CD83: variants seen among roughly 807,000 people sequenced by gnomAD.
CD83 encodes CD83 antigen.
Under a neutral mutation model 24.6 loss-of-function variants are expected in CD83, and 22 were observed. That is an observed-to-expected ratio of 0.90 (90% CI 0.64 to 1.28). The LOEUF is 1.28. CD83 is among the 50% of genes most tolerant of loss of function. The pLI is 0.00. For synonymous variants in CD83, 101 were observed against 103.5 expected (o/e 0.98, Z 0.14); for missense variants, 253 against 252.8 (o/e 1.00, Z -0.01).
chr6:14,134,894 C>T (rs891087299), intron 4 of CD83, among the ~76,000 whole-genome samples: 3 of 152,122 alleles, frequency 2.0e-5, no homozygotes, highest in Non-Finnish European at 4.4e-5. Flanking sequence ...AGTAGGGGGT[C>T]GAAATGGCCA....
chr6:14,125,977 C>A (rs1032286934), intron 2 of CD83, among the ~76,000 whole-genome samples: 1 of 152,164 alleles, frequency 6.6e-6, no homozygotes, highest in Non-Finnish European at 1.5e-5. Flanking sequence ...AGAATAATTT[C>A]TATTACCAGC....
intron 2 of CD83, among the ~76,000 whole-genome samples, chr6:14,120,936 GA>G (rs1281991997): frequency 6.6e-6 from 1 of 152,122 alleles, no homozygotes; most frequent in African/African-American, 2.4e-5. Context: ...GGCTAGAGGG[GA>G]CTTAATAGAC....
chr6:14,130,496 G>A (rs574299362), intron 2 of CD83, among the ~76,000 whole-genome samples: 1 of 152,142 alleles, frequency 6.6e-6, no homozygotes, highest in Admixed American at 6.5e-5. Context: ...AGGCCGAGGC[G>A]GGCGGATCGC....
At chr6:14,126,106 A>T (rs1759804128) in intron 2 of CD83, among the ~76,000 whole-genome samples, 1 of 152,244 alleles carries the variant, frequency 6.6e-6, no homozygotes. Context: ...CATATGGAAG[A>T]TGACCCAGCT....
chr6:14,133,295 A>G (rs1250493243), intron 3 of CD83, among the ~76,000 whole-genome samples: 2 of 152,268 alleles, frequency 1.3e-5, no homozygotes, highest in Non-Finnish European at 2.9e-5. Context: ...TCCGAAGTGC[A>G]GGCAGACAGG....
chr6:14,132,518 T>C (rs141758304), intron 3 of CD83, among the ~76,000 whole-genome samples: 1 of 152,350 alleles, frequency 6.6e-6, no homozygotes, highest in East Asian at 1.9e-4. Context: ...CTTTTGTTAG[T>C]GTGTGACCTT....
chr6:14,132,294 C>G (rs771727953), intron 3 of CD83, among the ~76,000 whole-genome samples: 1 of 152,236 alleles, frequency 6.6e-6, no homozygotes, highest in Non-Finnish European at 1.5e-5. Flanking sequence ...TCTGATGTAT[C>G]TGGGCACATA....
chr6:14,133,525 A>G (rs1434279239), intron 3 of CD83, 124 bp from the exon 4 acceptor site: 1 of 660,778 alleles, frequency 1.5e-6, no homozygotes, highest in African/African-American at 1.8e-5. Flanking sequence ...ACTGTCGTTC[A>G]TCCTGATGGT....
intron 4 of CD83, among the ~76,000 whole-genome samples, chr6:14,134,529 C>G (rs1008264095): frequency 6.6e-6 from 1 of 152,192 alleles, no homozygotes; most frequent in African/African-American, 2.4e-5. Flanking sequence ...ACAGACTTCA[C>G]CCAGGAGCTA....
intron 2 of CD83, among the ~76,000 whole-genome samples, chr6:14,119,769 G>C (rs1193370398): frequency 6.6e-6 from 1 of 152,216 alleles, no homozygotes; most frequent in Non-Finnish European, 1.5e-5. Flanking sequence ...CCCTTCCAGA[G>C]AGTAACTATT....
chr6:14,132,780 C>T (rs1757945571), intron 3 of CD83, among the ~76,000 whole-genome samples: 1 of 152,338 alleles, frequency 6.6e-6, no homozygotes, highest in East Asian at 1.9e-4. Context: ...GGGTTGACAT[C>T]TCTGGAGATC....
intron 3 of CD83, among the ~76,000 whole-genome samples, chr6:14,132,294 C>T (rs771727953): frequency 1.3e-5 from 2 of 152,236 alleles, no homozygotes; most frequent in Non-Finnish European, 2.9e-5. Flanking sequence ...TCTGATGTAT[C>T]TGGGCACATA....
At chr6:14,125,689 C>T (rs966341785) in intron 2 of CD83, among the ~76,000 whole-genome samples, 2 of 152,030 alleles carry the variant, frequency 1.3e-5, no homozygotes, top group African/African-American at 4.8e-5. Flanking sequence ...GCAGGCCCCA[C>T]GGGATGCTAA....
chr6:14,127,919 C>T (rs967299896), intron 2 of CD83, among the ~76,000 whole-genome samples: 1 of 152,220 alleles, frequency 6.6e-6, no homozygotes, highest in African/African-American at 2.4e-5. Context: ...CTTTAGCGCA[C>T]TGTACTACAA....
At chr6:14,118,662 A>G (rs1759600861) in intron 2 of CD83, among the ~76,000 whole-genome samples, 1 of 152,146 alleles carries the variant, frequency 6.6e-6, no homozygotes, top group African/African-American at 2.4e-5. Context: ...CCTTGAGAGC[A>G]TCAGGTGGAT....
Position 14,129,117 on chromosome 6 carries a change from C to T in CD83, c.154-2403C>T, listed in dbSNP as rs891401880. On this transcript the variant is annotated intron_variant, in intron 2 of 4. Transcript: ENST00000379153. This position sits in a 1 kb window ranked among gnomAD's most constrained non-coding sequence, Gnocchi z 4.3. ...GGGAGAGGAGCTTCCCAGGAGAAAA[C>T]CATGGGTGAATAATCTCAAAACGGT... Among the ~76,000 whole-genome samples, 6 of 152,128 alleles carry T rather than the reference C, an allele frequency of 3.9e-5. No homozygotes were observed. Among genetic ancestry groups the T allele is most frequent in the Non-Finnish European group, 8.8e-5 (6 of 68,020 alleles).
At chr6:14,134,607 T>A (rs1360523464) in intron 4 of CD83, among the ~76,000 whole-genome samples, 1 of 152,188 alleles carries the variant, frequency 6.6e-6, no homozygotes, top group African/African-American at 2.4e-5. Context: ...GGCTGTGCAC[T>A]CATCTCTCTG....
intron 2 of CD83, among the ~76,000 whole-genome samples, chr6:14,121,694 G>T (rs1262777673): frequency 6.9e-6 from 1 of 144,630 alleles, no homozygotes; most frequent in Non-Finnish European, 1.5e-5. Context: ...TATGCAAATA[G>T]ACTTTGATCC....
At position 14,117,798 on chromosome 6, in the gene CD83, G is replaced by T. The variant is rs1176969110; in HGVS notation, c.-14G>T. 2.0e-6 allele frequency: 3 copies of T among 1,520,292 alleles called. No individual in the cohort carries two copies. Among genetic ancestry groups the T allele is most frequent in the South Asian group, 1.2e-5 (1 of 82,418 alleles). The allele number at this position is 1,520,292 out of a possible 1,614,324, so 94.2% of individuals were successfully genotyped here. On this transcript the variant is annotated 5_prime_UTR_variant, in exon 1 of 5. Transcript: ENST00000379153. This position sits in a 1 kb window ranked among gnomAD's most constrained non-coding sequence, Gnocchi z 4.6. Reference sequence around the variant, plus strand: ...CAGCTCTGCAGCTCGTGGCAGCGGCGCAGCGCTCCAGCCATGTCGCGCGGC... The same window carrying T: ...CAGCTCTGCAGCTCGTGGCAGCGGCTCAGCGCTCCAGCCATGTCGCGCGGC...
Sources: gnomAD v4.1 joint callset for allele counts (sites outside exome capture counted in the v4.1 genomes callset) on GRCh38, gnomAD v4.1.1 for gene constraint, Gnocchi (gnomAD v3.1) non-coding constraint, MANE v1.5 for transcripts, NCBI Gene and HGNC (gene_info 2026-07-23, HGNC 2026-07-21) for gene names.